Variants in ZFPM2 observed in about 807,000 individuals in gnomAD.
The protein encoded by ZFPM2 is zinc finger protein ZFPM2.
A neutral mutation model predicts 98.6 loss-of-function variants in ZFPM2; 20 were observed. That is an observed-to-expected ratio of 0.20 (90% CI 0.14 to 0.29). ZFPM2 has a LOEUF of 0.29. ZFPM2 is among the 10% of genes least tolerant of loss of function. ZFPM2 has a pLI of 1.00. For missense variants in ZFPM2, 1,310 were observed against 1,388.6 expected (o/e 0.94, Z 0.90); for synonymous variants, 518 against 502.7 (o/e 1.03, Z -0.41).
chr8:105,461,181 T>A (rs553179275), intron 3 of ZFPM2, among the ~76,000 whole-genome samples: 31 of 152,268 alleles, frequency 2.0e-4, no homozygotes, highest in Non-Finnish European at 3.8e-4. Context: ...TAGTGGAATA[T>A]TTTAGCACAT....
intron 4 of ZFPM2, among the ~76,000 whole-genome samples, chr8:105,614,875 C>T (rs1221110543): frequency 6.6e-6 from 1 of 152,092 alleles, no homozygotes; most frequent in Admixed American, 6.6e-5. Context: ...ATAATCCATA[C>T]TTGACATTAT....
intron 6 of ZFPM2, among the ~76,000 whole-genome samples, chr8:105,795,473 A>G (rs570309155): frequency 4.4e-4 from 67 of 152,160 alleles, no homozygotes; most frequent in African/African-American, 1.6e-3. Context: ...AAAATGTGGT[A>G]TTCTTTAAGG....
Position 105,714,816 on chromosome 8 carries a change from T to C in ZFPM2, c.533-73902T>C, listed in dbSNP as rs143512504. Among the ~76,000 whole-genome samples, 541 of 152,152 alleles carry C rather than the reference T, an allele frequency of 3.6e-3. 5 individuals carry two copies. Among genetic ancestry groups the C allele is most frequent in the Non-Finnish European group, 5.6e-3 (383 of 67,964 alleles). On this transcript the variant is annotated intron_variant, in intron 5 of 7. Coordinates refer to ENST00000407775, the MANE Select transcript of ZFPM2 (RefSeq NM_012082.4). ...ATTGTTTTGTTCCTTGTATAAAAGA[T>C]TTTAAAAAGTGATACTAATTATACA...
chr8:105,404,849 A>G (rs1223833230), intron 1 of ZFPM2, among the ~76,000 whole-genome samples: 2 of 152,092 alleles, frequency 1.3e-5, no homozygotes, highest in African/African-American at 4.8e-5. Flanking sequence ...TCCCGATAAC[A>G]GGCCACTTAT....
chr8:105,798,447 C>G lies in ZFPM2; in HGVS notation c.740-277C>G, dbSNP rs551014287. The stretch of plus-strand genomic sequence containing the variant: ...CCTAGGTAACACAGTGAGAATCTGT[C>G]GCAAAAAATAAAATAAAATAAAATC... On this transcript the variant is annotated intron_variant, in intron 6 of 7. Coordinates refer to ENST00000407775, the MANE Select transcript of ZFPM2 (RefSeq NM_012082.4). The G allele has an allele frequency of 1.4e-5, 4 of 292,530 alleles. No individual in the cohort carries two copies. In the East Asian group the frequency reaches 2.6e-4, roughly 19 times the overall value. The allele number at this position is 292,530 out of a possible 1,614,324, so 18.1% of individuals were successfully genotyped here.
At chr8:105,793,895 A>C (rs758828710) in intron 6 of ZFPM2, among the ~76,000 whole-genome samples, 1 of 151,304 alleles carries the variant, frequency 6.6e-6, no homozygotes, top group Non-Finnish European at 1.5e-5. Context: ...TGCATTCTTC[A>C]CGTAGTTCTC....
At chr8:105,729,244 A>G (rs774899739) in intron 5 of ZFPM2, among the ~76,000 whole-genome samples, 24 of 151,714 alleles carry the variant, frequency 1.6e-4, no homozygotes, top group Non-Finnish European at 3.2e-4. Flanking sequence ...CACTTTACCA[A>G]GTAGATTTAA....
chr8:105,361,077 T>G (rs1812850233), intron 1 of ZFPM2, among the ~76,000 whole-genome samples: 3 of 127,146 alleles, frequency 2.4e-5, no homozygotes, highest in South Asian at 3.0e-4. Context: ...TGAACTAGTT[T>G]ACAGTCCCAC....
chr8:105,466,080 T>C (rs1387052823), intron 3 of ZFPM2, among the ~76,000 whole-genome samples: 1 of 152,040 alleles, frequency 6.6e-6, no homozygotes, highest in African/African-American at 2.4e-5. Flanking sequence ...TTAAATCTTG[T>C]GATGAGTGGT....
At chr8:105,670,962 A>G (rs907857904) in intron 5 of ZFPM2, among the ~76,000 whole-genome samples, 2 of 152,158 alleles carry the variant, frequency 1.3e-5, no homozygotes, top group African/African-American at 4.8e-5. Context: ...AATATACTAT[A>G]TATGGAAAGG....
intron 5 of ZFPM2, among the ~76,000 whole-genome samples, chr8:105,640,492 C>G (rs1381847882): frequency 6.6e-6 from 1 of 151,948 alleles, no homozygotes. Context: ...TTGCAAGGTT[C>G]TTATGAATTT....
At chr8:105,731,699 A>T (rs1465820845) in intron 5 of ZFPM2, among the ~76,000 whole-genome samples, 1 of 151,736 alleles carries the variant, frequency 6.6e-6, no homozygotes, top group Non-Finnish European at 1.5e-5. Flanking sequence ...GACACTATTC[A>T]TGAAATCTAA....
At chr8:105,474,638 A>G (rs1812977536) in intron 3 of ZFPM2, among the ~76,000 whole-genome samples, 1 of 152,214 alleles carries the variant, frequency 6.6e-6, no homozygotes, top group African/African-American at 2.4e-5. Flanking sequence ...TATATCATTT[A>G]TCTTCTTATA....
intron 5 of ZFPM2, among the ~76,000 whole-genome samples, chr8:105,784,097 A>C (rs368456363): frequency 1.3e-5 from 2 of 152,118 alleles, no homozygotes; most frequent in East Asian, 3.9e-4. Context: ...TTTCTATTAA[A>C]CATAAGGTCA....
At chr8:105,473,253 C>A (rs926292198) in intron 3 of ZFPM2, among the ~76,000 whole-genome samples, 4 of 151,376 alleles carry the variant, frequency 2.6e-5, no homozygotes, top group African/African-American at 9.8e-5. Flanking sequence ...TCAGGATCTT[C>A]TATGATCTTT....
At chr8:105,336,613 C>T (rs1253726441) in intron 1 of ZFPM2, among the ~76,000 whole-genome samples, 1 of 150,970 alleles carries the variant, frequency 6.6e-6, no homozygotes. Context: ...ATACTTTATT[C>T]CCAATGAGGA....
chr8:105,650,120 G>A (rs1172301742), intron 5 of ZFPM2, among the ~76,000 whole-genome samples: 3 of 152,228 alleles, frequency 2.0e-5, no homozygotes, highest in Non-Finnish European at 4.4e-5. Context: ...TCTATGTGTC[G>A]AGGAATTTAT....
intron 4 of ZFPM2, among the ~76,000 whole-genome samples, chr8:105,607,573 A>G (rs1350805219): frequency 2.0e-5 from 3 of 152,090 alleles, no homozygotes; most frequent in Non-Finnish European, 2.9e-5. Flanking sequence ...GTATAACTCC[A>G]AAGAGTTAAA....
chr8:105,773,627 A>G (rs1813033588), intron 5 of ZFPM2, among the ~76,000 whole-genome samples: 1 of 151,548 alleles, frequency 6.6e-6, no homozygotes, highest in Non-Finnish European at 1.5e-5. Flanking sequence ...TATCTAAATC[A>G]TGACATGAAA....
Sources: gnomAD v4.1 joint callset for allele counts (sites outside exome capture counted in the v4.1 genomes callset) on GRCh38, gnomAD v4.1.1 for gene constraint, MANE v1.5 for transcripts, NCBI Gene and HGNC (gene_info 2026-07-23, HGNC 2026-07-21) for gene names.